The following SCEL variants were observed in gnomAD, a reference collection of about 807,000 sequenced individuals.
SCEL encodes the protein sciellin.
A neutral mutation model predicts 117.6 loss-of-function variants in SCEL; 113 were observed. That is an observed-to-expected ratio of 0.96 (90% CI 0.83 to 1.12). SCEL has a LOEUF of 1.12. Ranked by LOEUF, SCEL falls within the 50% of genes most tolerant of loss-of-function variation. The pLI, the probability that SCEL is intolerant of heterozygous loss-of-function variation, is 0.00. For missense variants in SCEL, 785 were observed against 810.8 expected (o/e 0.97, Z 0.39); for synonymous variants, 270 against 256.2 (o/e 1.05, Z -0.51).
At chr13:77,624,207 A>T (rs1029368083) in intron 27 of SCEL, among the ~76,000 whole-genome samples, 1 of 148,512 alleles carries the variant, frequency 6.7e-6, no homozygotes, top group African/African-American at 2.5e-5. Flanking sequence ...CCCAGTTCAC[A>T]CAATTCTCCT....
chr13:77,581,447 C>T (rs2086256335), intron 9 of SCEL, among the ~76,000 whole-genome samples: 1 of 152,172 alleles, frequency 6.6e-6, no homozygotes. Flanking sequence ...TGAAGTAACT[C>T]ATACATTTGA....
intron 20 of SCEL, 133 bp downstream of exon 20, chr13:77,608,248 T>C: frequency 1.7e-6 from 1 of 605,552 alleles, no homozygotes; most frequent in Admixed American, 3.3e-5. Context: ...GCTTGGTGTC[T>C]TTGAACAAGT....
chr13:77,585,929 T>C (rs1298486286), intron 9 of SCEL, among the ~76,000 whole-genome samples: 1 of 152,128 alleles, frequency 6.6e-6, no homozygotes, highest in Non-Finnish European at 1.5e-5. Flanking sequence ...CTGTTTTCCC[T>C]CTAAACTGAC....
intron 26 of SCEL, 36 bp from the exon 27 acceptor site, chr13:77,617,968 C>A: frequency 6.2e-7 from 1 of 1,603,766 alleles, no homozygotes; most frequent in East Asian, 2.2e-5. Context: ...AAATCTATTA[C>A]CAATCTGAAC....
intron 14 of SCEL, 58 bp downstream of exon 14, chr13:77,599,446 C>T: frequency 2.1e-6 from 3 of 1,409,708 alleles, no homozygotes; most frequent in African/African-American, 1.4e-5. Flanking sequence ...CGTCTTATTC[C>T]CTCAGACATT....
chr13:77,563,797 ATTT>A, intron 4 of SCEL, 31 bp from the exon 5 acceptor site: 21 of 1,231,804 alleles, frequency 1.7e-5, no homozygotes, highest in East Asian at 5.5e-5. Flanking sequence ...AATTGATTTG[ATTT>A]TTTTTTTTTT....
chr13:77,604,354 A>G lies in SCEL; in HGVS notation c.1098-2A>G. On this transcript the variant is annotated splice_acceptor_variant, in intron 18 of 32. Coordinates refer to ENST00000349847, the MANE Select transcript of SCEL (RefSeq NM_144777.3). LOFTEE classifies it high-confidence loss of function. Reference sequence around the variant, plus strand: ...CATTAAAATTAATTTCCTTTTTCAAAGAAAAAAAGACCTTGATGGGCTTAT... The same window carrying G: ...CATTAAAATTAATTTCCTTTTTCAAGGAAAAAAAGACCTTGATGGGCTTAT... 1 of 1,548,228 alleles carries G rather than the reference A, an allele frequency of 6.5e-7. No individual in the cohort carries two copies. Among genetic ancestry groups the G allele is most frequent in the Non-Finnish European group, 8.7e-7 (1 of 1,147,090 alleles).
intron 29 of SCEL, among the ~76,000 whole-genome samples, chr13:77,635,740 A>C (rs908001211): frequency 5.9e-5 from 9 of 152,156 alleles, no homozygotes; most frequent in African/African-American, 2.2e-4. Flanking sequence ...ACTATGGTTT[A>C]TTTTTTTAAA....
intron 20 of SCEL, among the ~76,000 whole-genome samples, chr13:77,608,498 G>A (rs2088399099): frequency 6.6e-6 from 1 of 152,130 alleles, no homozygotes; most frequent in Non-Finnish European, 1.5e-5. Flanking sequence ...TACTTGGGAG[G>A]CTGCGACAGG....
chr13:77,626,381 T>C (rs2089732003), intron 27 of SCEL, among the ~76,000 whole-genome samples: 1 of 152,186 alleles, frequency 6.6e-6, no homozygotes, highest in African/African-American at 2.4e-5. Context: ...GTGCCATGAA[T>C]TTTATTTACA....
intron 1 of SCEL, among the ~76,000 whole-genome samples, chr13:77,542,979 C>G (rs1415142635): frequency 6.6e-6 from 1 of 151,926 alleles, no homozygotes; most frequent in Non-Finnish European, 1.5e-5. Context: ...CTGAAACCCT[C>G]AGGACTTTTT....
chr13:77,543,122 T>C (rs866867134), intron 1 of SCEL, among the ~76,000 whole-genome samples: 35 of 149,576 alleles, frequency 2.3e-4, no homozygotes, highest in African/African-American at 6.6e-4. Flanking sequence ...CTCGCTCTGT[T>C]GCCCAGGCTG....
At chr13:77,571,670 CAA>C (rs1311734956) in intron 8 of SCEL, among the ~76,000 whole-genome samples, 2 of 149,962 alleles carry the variant, frequency 1.3e-5, no homozygotes, top group African/African-American at 4.9e-5. Flanking sequence ...GCCTGGGCAA[CAA>C]GAGCGAAACT....
chr13:77,630,721 A>AGCC, intron 28 of SCEL, among the ~76,000 whole-genome samples: 1 of 152,186 alleles, frequency 6.6e-6, no homozygotes, highest in Admixed American at 6.5e-5. Context: ...CTCAAGTGTA[A>AGCC]ATCCATTTGG....
At chr13:77,637,337 A>AAATATATAT in intron 30 of SCEL, 143 bp downstream of exon 30, 1 of 159,832 alleles carries the variant, frequency 6.3e-6, no homozygotes, top group Non-Finnish European at 1.2e-5. Flanking sequence ...TACATATATA[A>AAATATATAT]ACATATATAC....
At chr13:77,554,913 G>T (rs1265866838) in intron 1 of SCEL, among the ~76,000 whole-genome samples, 3 of 152,064 alleles carry the variant, frequency 2.0e-5, no homozygotes, top group Non-Finnish European at 4.4e-5. Context: ...GACTTTTCTG[G>T]TTTGAAAACT....
chr13:77,539,375 A>C (rs1567325371), intron 1 of SCEL, among the ~76,000 whole-genome samples: 1 of 151,826 alleles, frequency 6.6e-6, no homozygotes, highest in Non-Finnish European at 1.5e-5. Context: ...AAATCTCTAC[A>C]AGAAAAATTT....
intron 1 of SCEL, among the ~76,000 whole-genome samples, chr13:77,550,743 A>AT (rs1227042793): frequency 6.6e-6 from 1 of 152,202 alleles, no homozygotes; most frequent in Non-Finnish European, 1.5e-5. Flanking sequence ...CAGAGATGCC[A>AT]TGCTGTGTAT....
chr13:77,589,094 A>C (rs1348285009), intron 9 of SCEL, 50 bp from the exon 10 acceptor site: 2 of 1,397,326 alleles, frequency 1.4e-6, no homozygotes, highest in South Asian at 1.2e-5. Flanking sequence ...TAGATGCTAA[A>C]ATTTACCATG....
Sources: allele counts gnomAD v4.1 joint callset (sites outside exome capture counted in the v4.1 genomes callset), GRCh38; gene constraint gnomAD v4.1.1; transcripts MANE v1.5; gene names NCBI Gene and HGNC (gene_info 2026-07-23, HGNC 2026-07-21).